LDLRAD4: variants seen among roughly 807,000 people sequenced by gnomAD.
LDLRAD4 encodes the protein low density lipoprotein receptor class A domain containing 4.
In LDLRAD4, 5 loss-of-function variants were observed where a neutral mutation model predicts 17.0. The ratio of observed to expected loss-of-function variants is 0.29; its 90% CI spans 0.15 to 0.62. The LOEUF (loss-of-function observed/expected upper bound fraction) is 0.62, where lower values mean the gene tolerates loss of function less well. LDLRAD4 is among the 20% of genes least tolerant of loss of function. LDLRAD4 has a pLI of 0.84. For synonymous variants in LDLRAD4, 168 were observed against 171.8 expected (o/e 0.98, Z 0.17); for missense variants, 340 against 424.7 (o/e 0.80, Z 1.75).
intron 3 of LDLRAD4, among the ~76,000 whole-genome samples, chr18:13,483,822 C>T (rs1246195007): frequency 6.6e-6 from 1 of 152,178 alleles, no homozygotes; most frequent in Non-Finnish European, 1.5e-5. Context: ...CCCAGCAGTA[C>T]TCACTAGCGC....
At chr18:13,505,581 AGGCCGAGGCG>A (rs920496674) in intron 3 of LDLRAD4, among the ~76,000 whole-genome samples, 5 of 152,202 alleles carry the variant, frequency 3.3e-5, no homozygotes, top group African/African-American at 7.2e-5. Flanking sequence ...GCACTTTGGG[AGGCCGAGGCG>A]GGCGGATCAC....
intron 3 of LDLRAD4, among the ~76,000 whole-genome samples, chr18:13,446,616 C>T (rs145780196): frequency 7.9e-5 from 12 of 152,226 alleles, no homozygotes; most frequent in African/African-American, 1.9e-4. Context: ...AGGTAGTACT[C>T]GTATGACCCA....
intron 3 of LDLRAD4, among the ~76,000 whole-genome samples, chr18:13,557,080 A>G (rs2094491443): frequency 6.6e-6 from 1 of 152,056 alleles, no homozygotes; most frequent in African/African-American, 2.4e-5. Flanking sequence ...GGATCACTTG[A>G]GCCCAGGAGT....
chr18:13,650,142 G>A, exon 6 of LDLRAD4: 1 of 398,864 alleles, frequency 2.5e-6, no homozygotes. Context: ...CCTTGCAGTG[G>A]TCTACATTTT....
At chr18:13,573,325 G>A (rs949195598) in intron 3 of LDLRAD4, among the ~76,000 whole-genome samples, 23 of 150,840 alleles carry the variant, frequency 1.5e-4, no homozygotes, top group Admixed American at 6.6e-4. Flanking sequence ...GGGTGGTCTC[G>A]AACTCCTGGC....
chr18:13,562,877 A>G (rs2094556505), intron 3 of LDLRAD4: 1 of 152,222 alleles, frequency 6.6e-6, no homozygotes, highest in Non-Finnish European at 1.5e-5. Flanking sequence ...GTGGTATACT[A>G]ACTTTTGGAA....
chr18:13,566,819 A>G (rs78624013), intron 3 of LDLRAD4, among the ~76,000 whole-genome samples: 3,314 of 152,342 alleles, frequency 0.022, 55 homozygotes, highest in Non-Finnish European at 0.036. Context: ...AGGTTTACTT[A>G]CAAACATCTG....
At chr18:13,492,023 C>T (rs2093367937) in intron 3 of LDLRAD4, among the ~76,000 whole-genome samples, 1 of 152,206 alleles carries the variant, frequency 6.6e-6, no homozygotes, top group Admixed American at 6.5e-5. Flanking sequence ...ATAATGAATA[C>T]AGTAGCATGG....
At chr18:13,605,191 A>G (rs1403418931) in intron 3 of LDLRAD4, among the ~76,000 whole-genome samples, 2 of 152,226 alleles carry the variant, frequency 1.3e-5, no homozygotes, top group Admixed American at 1.3e-4. Context: ...AAGGATGCCA[A>G]ATATTCTAGA....
chr18:13,543,615 T>A (rs2094317729), intron 3 of LDLRAD4: 1 of 152,248 alleles, frequency 6.6e-6, no homozygotes, highest in African/African-American at 2.4e-5. Flanking sequence ...TAAAAGCATT[T>A]GTAGATTATC....
chr18:13,363,882 G>A (rs1311983705), intron 1 of LDLRAD4, among the ~76,000 whole-genome samples: 1 of 152,176 alleles, frequency 6.6e-6, no homozygotes, highest in Admixed American at 6.5e-5. Context: ...CACCACGCTT[G>A]GCTTTTTCAG....
intron 3 of LDLRAD4, among the ~76,000 whole-genome samples, chr18:13,603,795 G>A (rs563215692): frequency 9.8e-5 from 15 of 152,330 alleles, no homozygotes; most frequent in Middle Eastern, 3.4e-3. Flanking sequence ...CAGGCCTCAC[G>A]ACCCCGCTAG....
chr18:13,347,891 C>T (rs1231209240), intron 1 of LDLRAD4, among the ~76,000 whole-genome samples: 1 of 152,224 alleles, frequency 6.6e-6, no homozygotes, highest in African/African-American at 2.4e-5. Flanking sequence ...GCATTCGTCA[C>T]ATAGTTCTCG....
chr18:13,434,019 T>C (rs2090504513), intron 2 of LDLRAD4, among the ~76,000 whole-genome samples: 1 of 152,218 alleles, frequency 6.6e-6, no homozygotes. Flanking sequence ...ATCCCTGGCC[T>C]GCTTCCTCAC....
At chr18:13,371,838 C>CA (rs1409500909) in intron 1 of LDLRAD4, among the ~76,000 whole-genome samples, 1 of 152,126 alleles carries the variant, frequency 6.6e-6, no homozygotes, top group African/African-American at 2.4e-5. Flanking sequence ...CTGAATTTAG[C>CA]AACAAACATC....
chr18:13,377,316 C>T (rs759126886), intron 1 of LDLRAD4, among the ~76,000 whole-genome samples: 2 of 152,222 alleles, frequency 1.3e-5, no homozygotes, highest in Non-Finnish European at 2.9e-5. Flanking sequence ...CATGAACTGA[C>T]TAGGCTGCGT....
At chr18:13,404,327 G>A (rs2087515557) in intron 2 of LDLRAD4, among the ~76,000 whole-genome samples, 2 of 152,142 alleles carry the variant, frequency 1.3e-5, no homozygotes, top group Non-Finnish European at 2.9e-5. Flanking sequence ...CGGGACACTC[G>A]GAGGCCGGAT....
At chr18:13,437,671 C>G (rs772546061) in intron 2 of LDLRAD4, among the ~76,000 whole-genome samples, 1 of 152,204 alleles carries the variant, frequency 6.6e-6, no homozygotes, top group African/African-American at 2.4e-5. Flanking sequence ...TTCACTGCTA[C>G]CCATGCCTGG....
chr18:13,455,486 A>T (rs1308214614), intron 3 of LDLRAD4, among the ~76,000 whole-genome samples: 2 of 152,090 alleles, frequency 1.3e-5, no homozygotes, highest in Non-Finnish European at 2.9e-5. Context: ...AAGAGGCTGG[A>T]GGCTGCAGGG....
Sources: gnomAD v4.1 joint callset for allele counts (sites outside exome capture counted in the v4.1 genomes callset) on GRCh38, gnomAD v4.1.1 for gene constraint, MANE v1.5 for transcripts, NCBI Gene and HGNC (gene_info 2026-07-23, HGNC 2026-07-21) for gene names.